Variants in UPP1 observed in about 807,000 individuals in gnomAD.
UPP1 encodes the protein UPase 1.
In UPP1, 25 loss-of-function variants were observed where a neutral mutation model predicts 29.6. That is an observed-to-expected ratio of 0.85 (90% confidence interval 0.62 to 1.18). UPP1 has a LOEUF of 1.18. UPP1 is among the 50% of genes most tolerant of loss of function. The pLI is 0.00. For missense variants in UPP1, 368 were observed against 410.4 expected (o/e 0.90, Z 0.89); for synonymous variants, 165 against 159.8 (o/e 1.03, Z -0.25).
At position 48,108,300 on chromosome 7, in the gene UPP1, G is replaced by A; in HGVS notation, c.876G>A (p.Gln292=). The change falls in exon 9 of 9, where the codon CAG becomes CAA. Residue 292 remains glutamine (Q), a synonymous_variant. Coordinates refer to ENST00000395564, the MANE Select transcript of UPP1 (RefSeq NM_003364.4). The part of the protein sequence containing the change: ...SSPRNVLSEY[Q]QRPQRLVSYF... ...CTCGCAATGTGCTCAGCGAGTACCA[G>A]CAGAGGCCGCAGCGGCTGGTGAGCT... 4 of 1,614,152 alleles carry A rather than the reference G, an allele frequency of 2.5e-6. No individual in the cohort carries two copies. The highest frequency in any genetic ancestry group is 3.4e-6 in the Non-Finnish European group (4 of 1,180,034).
At chr7:48,096,232 C>A (rs1176244281) in intron 3 of UPP1, among the ~76,000 whole-genome samples, 59 of 152,334 alleles carry the variant, frequency 3.9e-4, no homozygotes, top group Admixed American at 3.3e-3. Context: ...CCTCAGCTAT[C>A]TGCTAATCAT....
chr7:48,098,632 G>A (rs1378195407), intron 3 of UPP1, among the ~76,000 whole-genome samples: 1 of 152,214 alleles, frequency 6.6e-6, no homozygotes, highest in Non-Finnish European at 1.5e-5. Context: ...TGGCAGCTGA[G>A]ACCTTGCCTC....
intron 6 of UPP1, chr7:48,103,858 A>G (rs1167525895): frequency 4.7e-6 from 6 of 1,289,514 alleles, no homozygotes; most frequent in African/African-American, 1.5e-5. Context: ...CAAAACTCAG[A>G]TAAGTGTCCT....
intron 3 of UPP1, among the ~76,000 whole-genome samples, chr7:48,099,116 C>T (rs530388526): frequency 2.0e-5 from 3 of 152,200 alleles, no homozygotes. Context: ...CATTTTCTAG[C>T]AGATAAACAG....
chr7:48,103,642 A>G lies in UPP1; in HGVS notation c.436+231A>G. The G allele has an allele frequency of 7.6e-6, 7 of 924,414 alleles. No homozygotes were observed. In the South Asian group the frequency reaches 9.6e-5, roughly 13 times the overall value. The allele number at this position is 924,414 out of a possible 1,614,324, so 57.3% of individuals were successfully genotyped here. On this transcript the variant is annotated intron_variant, in intron 6 of 8. Transcript: ENST00000395564. The stretch of plus-strand genomic sequence containing the variant: ...GCAGTAGAAGGGCACCACACCATGC[A>G]TATGGGGGAAACTCATCCTTTTGGG...
chr7:48,097,588 T>C (rs1470605020), intron 3 of UPP1, among the ~76,000 whole-genome samples: 1 of 152,162 alleles, frequency 6.6e-6, no homozygotes, highest in Non-Finnish European at 1.5e-5. Context: ...CCTACTTCCT[T>C]CTTCTTCATT....
intron 6 of UPP1, chr7:48,106,005 C>G (rs2128817283): frequency 1.3e-5 from 2 of 152,254 alleles, no homozygotes; most frequent in East Asian, 3.9e-4. Context: ...AAGGCACGCC[C>G]AGAACATAGA....
At chr7:48,104,649 T>C (rs1345992068) in intron 6 of UPP1, 1 of 152,244 alleles carries the variant, frequency 6.6e-6, no homozygotes, top group Admixed American at 6.5e-5. Context: ...TCTTTTCTTT[T>C]TGTTATATAG....
In UPP1 at chr7:48,106,859, G is replaced by C. The variant is rs1295246402; in HGVS notation, c.437-14G>C. On this transcript the variant is annotated splice_polypyrimidine_tract_variant and intron_variant, in intron 6 of 8. Coordinates refer to ENST00000395564, the MANE Select transcript of UPP1 (RefSeq NM_003364.4). ...TTACACCCTGCATATCTTGATGTCT[G>C]CTTTTTTCCTCAGGTCTGGAGCCCG... is the stretch of plus-strand genomic sequence containing the variant. 1.2e-6 allele frequency: 2 copies of C among 1,613,130 alleles called. No homozygotes were observed. The highest frequency in any genetic ancestry group is 1.7e-6 in the Non-Finnish European group (2 of 1,179,696).
At chr7:48,107,132 C>G in intron 7 of UPP1, 50 bp downstream of exon 7, 2 of 1,592,918 alleles carry the variant, frequency 1.3e-6, no homozygotes. Context: ...AACCCTGGTC[C>G]GTCCCCTGAG....
chr7:48,094,985 T>A (rs1309437051), intron 3 of UPP1, among the ~76,000 whole-genome samples, 158 bp downstream of exon 3: 1 of 152,208 alleles, frequency 6.6e-6, no homozygotes, highest in Admixed American at 6.5e-5. Context: ...CTCAGGAGGT[T>A]CGTACATTAG....
intron 6 of UPP1, among the ~76,000 whole-genome samples, 159 bp downstream of exon 6, chr7:48,103,570 T>G (rs1792553444): frequency 6.6e-6 from 1 of 152,180 alleles, no homozygotes; most frequent in Non-Finnish European, 1.5e-5. Context: ...AAGCTTGTTT[T>G]GTTGTTTTTG....
At chr7:48,097,447 T>A (rs1441949025) in intron 3 of UPP1, among the ~76,000 whole-genome samples, 2 of 152,086 alleles carry the variant, frequency 1.3e-5, no homozygotes, top group African/African-American at 4.8e-5. Context: ...TTGCCCTGGC[T>A]AGTCTCGAAT....
In UPP1 at chr7:48,108,556, G is replaced by A; in HGVS notation, c.*199G>A. The A allele has an allele frequency of 1.7e-6, 1 of 572,866 alleles. No individual in the cohort carries two copies. Among genetic ancestry groups the A allele is most frequent in the Non-Finnish European group, 2.7e-6 (1 of 372,974 alleles). 35.5% of individuals were successfully genotyped at this position (572,866 alleles called of 1,614,324 possible). A position where few individuals can be genotyped will look rare whatever the true frequency, so the allele number is the denominator to read the frequency against. On this transcript the variant is annotated 3_prime_UTR_variant, in exon 9 of 9. Transcript: ENST00000395564. ...GAAGTTTCATTGGAGCATTTTCAAT[G>A]ATGTTAGCCTGATTTGGGGTTTCTT...
chr7:48,088,996 C>G (rs1294211831), upstream of UPP1: 1 of 152,266 alleles, frequency 6.6e-6, no homozygotes, highest in East Asian at 1.9e-4. Context: ...TTACAATTGC[C>G]CAGCTGCTCT....
chr7:48,091,231 C>T (rs1345982150), intron 2 of UPP1, among the ~76,000 whole-genome samples: 4 of 150,450 alleles, frequency 2.7e-5, no homozygotes, highest in Non-Finnish European at 5.9e-5. Context: ...AGTAACTTAC[C>T]AATCTGATTT....
intron 3 of UPP1, among the ~76,000 whole-genome samples, chr7:48,095,910 G>T (rs1485829492): frequency 2.0e-5 from 3 of 152,208 alleles, no homozygotes; most frequent in African/African-American, 7.2e-5. Context: ...GTCTCCCAAA[G>T]TGCTGGGATT....
chr7:48,099,919 A>C (rs1792330695), intron 4 of UPP1, 132 bp downstream of exon 4: 2 of 666,818 alleles, frequency 3.0e-6, no homozygotes, highest in Admixed American at 2.5e-5. Flanking sequence ...ATGTTTACCA[A>C]ATTTTTGCAA....
At position 48,106,980 on chromosome 7, in the gene UPP1, C is replaced by G; in HGVS notation, c.544C>G (p.Leu182Val). 1.2e-6 allele frequency: 2 copies of G among 1,613,226 alleles called. No individual in the cohort carries two copies. Among genetic ancestry groups the G allele is most frequent in the Non-Finnish European group, 1.7e-6 (2 of 1,180,000 alleles). The change falls in exon 7 of 9, where the codon CTT becomes GTT. Residue 182 changes from leucine (L) to valine (V), a missense_variant. Leu to Val is a conservative substitution (Grantham distance 32). Transcript: ENST00000395564. ...LGKRVIRKTD[L>V]NKKLVQELLL... Reference sequence around the variant, plus strand: ...GAAGCGGGTCATCCGGAAAACGGACCTTAACAAGAAGCTGGTGCAGGAGCT... The same window carrying G: ...GAAGCGGGTCATCCGGAAAACGGACGTTAACAAGAAGCTGGTGCAGGAGCT...
Sources: allele counts gnomAD v4.1 joint callset (sites outside exome capture counted in the v4.1 genomes callset), GRCh38; gene constraint gnomAD v4.1.1; transcripts MANE v1.5; gene names NCBI Gene and HGNC (gene_info 2026-07-23, HGNC 2026-07-21).